The following EFCAB12 variants were observed in gnomAD, a reference collection of about 807,000 sequenced individuals.
EFCAB12 encodes the protein EF-hand calcium-binding domain-containing protein 12.
A neutral mutation model predicts 53.6 loss-of-function variants in EFCAB12; 43 were observed. That is an observed-to-expected ratio of 0.80 (90% confidence interval 0.63 to 1.03). EFCAB12 has a LOEUF of 1.03. Among genes scored for constraint, EFCAB12 ranks in the 50% least tolerant of loss-of-function variants. EFCAB12 has a pLI of 0.00. For missense variants in EFCAB12, 646 were observed against 730.6 expected (o/e 0.88, Z 1.34); for synonymous variants, 269 against 289.2 (o/e 0.93, Z 0.71).
chr3:129,424,896 G>C (rs73865439), intron 1 of EFCAB12, among the ~76,000 whole-genome samples: 3 of 152,144 alleles, frequency 2.0e-5, no homozygotes, highest in Non-Finnish European at 4.4e-5. Flanking sequence ...TCAGTTGGGG[G>C]AGAAATGCTG....
At chr3:129,421,875 CTT>C in intron 1 of EFCAB12, 72 bp from the exon 2 acceptor site, 1 of 1,452,386 alleles carries the variant, frequency 6.9e-7, no homozygotes, top group Non-Finnish European at 9.1e-7. Flanking sequence ...AGGAAAAACA[CTT>C]TTGCTCCAGG....
Position 129,415,331 on chromosome 3 carries a change from T to G in EFCAB12, c.752A>C (p.Asn251Thr), listed in dbSNP as rs756588240. 6.2e-7 allele frequency: 1 copy of G among 1,613,622 alleles called. No individual in the cohort carries two copies. The highest frequency in any genetic ancestry group is 8.5e-7 in the Non-Finnish European group (1 of 1,179,758). Residue 251 changes from asparagine (N) to threonine (T), a missense_variant, in exon 4 of 9, where the codon AAC (asparagine) becomes ACC (threonine). Asn to Thr is a moderately conservative substitution (Grantham distance 65). Transcript: ENST00000505956. ...VIYLSSLGKH[N>T]TITMDILANT... ...GGCCAGGATATCCATGGTGATGGTG[T>G]TGTGCTTCCCAAGAGAGCTGAGGTA...
Position 129,421,625 on chromosome 3 carries a change from T to C in EFCAB12, c.228A>G (p.Gln76=). The change falls in exon 2 of 9, where the codon CAA becomes CAG. Residue 76 remains glutamine (Q), a synonymous_variant. Coordinates refer to ENST00000505956, the MANE Select transcript of EFCAB12 (RefSeq NM_207307.3). ...EDQTPLNPAS[Q]PQAPPKPIPS... is the part of the protein sequence containing the mutation. ...GGATGGGCTTTGGGGGAGCCTGAGG[T>C]TGGGATGCAGGATTAAGGGGTGTCT... is the stretch of plus-strand genomic sequence containing the variant. 1 of 1,613,922 alleles carries C rather than the reference T, an allele frequency of 6.2e-7. No homozygotes were observed. The highest frequency in any genetic ancestry group is 8.5e-7 in the Non-Finnish European group (1 of 1,179,864).
At chr3:129,422,456 C>T (rs374434714) in intron 1 of EFCAB12, among the ~76,000 whole-genome samples, 1 of 152,178 alleles carries the variant, frequency 6.6e-6, no homozygotes, top group South Asian at 2.1e-4. Flanking sequence ...TAATCCCTTG[C>T]TTCTCTTCCC....
chr3:129,417,508 G>T lies in EFCAB12; in HGVS notation c.681+746C>A, dbSNP rs188262214. Among the ~76,000 whole-genome samples, 189 of 152,266 alleles carry T rather than the reference G, an allele frequency of 1.2e-3. 2 individuals carry two copies. Among genetic ancestry groups the T allele is most frequent in the Admixed American group, 9.8e-3 (150 of 15,306 alleles). ...AATTCAAGGATGAATGAGTGTGGCT[G>T]TGTTCCAATAAAACTCTATTTAAAA... On this transcript the variant is annotated intron_variant, in intron 3 of 8. Transcript: ENST00000505956.
intron 6 of EFCAB12, 70 bp downstream of exon 6, chr3:129,408,563 GGGTGCCCTGGGT>G (rs2071983388): frequency 5.6e-6 from 8 of 1,419,840 alleles, no homozygotes; most frequent in Non-Finnish European, 7.7e-6. Context: ...ATGGCTGCAT[GGGTGCCCTGGGT>G]GGCATCACCC....
At chr3:129,416,583 A>G (rs1319142080) in intron 3 of EFCAB12, among the ~76,000 whole-genome samples, 1 of 152,236 alleles carries the variant, frequency 6.6e-6, no homozygotes, top group African/African-American at 2.4e-5. Flanking sequence ...GAGAAAACTG[A>G]TAATAATTTA....
chr3:129,405,638 G>A (rs936273320), intron 6 of EFCAB12, among the ~76,000 whole-genome samples: 1 of 152,176 alleles, frequency 6.6e-6, no homozygotes, highest in African/African-American at 2.4e-5. Flanking sequence ...TATTCACAGG[G>A]GAGGGGGAGA....
intron 1 of EFCAB12, among the ~76,000 whole-genome samples, chr3:129,428,151 A>T (rs1186118883): frequency 6.6e-6 from 1 of 152,204 alleles, no homozygotes. Context: ...AAAACCTTGA[A>T]GACTGACGTC....
intron 6 of EFCAB12, among the ~76,000 whole-genome samples, chr3:129,406,437 A>T (rs1478507011): frequency 6.6e-6 from 1 of 152,084 alleles, no homozygotes; most frequent in Non-Finnish European, 1.5e-5. Context: ...CGAAATTCTT[A>T]TGTTGTAATT....
rs759467402 is a variant in EFCAB12 at position 129,404,255 on chromosome 3, A to T, written c.1398T>A (p.Thr466=). 6.2e-7 allele frequency: 1 copy of T among 1,612,578 alleles called. No individual in the cohort carries two copies. Among genetic ancestry groups the T allele is most frequent in the South Asian group, 1.1e-5 (1 of 90,942 alleles). Reference sequence around the variant, plus strand: ...AAGGGGGTCCGAAACTCAGCTTGTCAGTCCTCTTAGACTTGCCAGGGCCCT... The same window carrying T: ...AAGGGGGTCCGAAACTCAGCTTGTCTGTCCTCTTAGACTTGCCAGGGCCCT... ...RSQGPGKSKR[T]DKKTPKKSKK... The change falls in exon 7 of 9, where the codon ACT becomes ACA. Residue 466 remains threonine (T), a synonymous_variant. Transcript: ENST00000505956.
chr3:129,418,200 T>G (rs949656785), intron 3 of EFCAB12, 54 bp downstream of exon 3: 1 of 1,485,070 alleles, frequency 6.7e-7, no homozygotes. Context: ...AAAGAGGGAG[T>G]ACATGTACAT....
chr3:129,401,439 T>G lies in EFCAB12; in HGVS notation c.*154A>C. On this transcript the variant is annotated 3_prime_UTR_variant, in exon 9 of 9. Coordinates refer to ENST00000505956, the MANE Select transcript of EFCAB12 (RefSeq NM_207307.3). ...TCTACCCTCTGAGACACTGGACACT[T>G]TGAGTCCAGAGGGAACTGGCCCCCG... 9.2e-7 allele frequency: 1 copy of G among 1,084,360 alleles called. No homozygotes were observed. 67.2% of individuals were successfully genotyped at this position (1,084,360 alleles called of 1,614,324 possible). A position where few individuals can be genotyped will look rare whatever the true frequency, so the allele number is the denominator to read the frequency against.
At chr3:129,412,883 T>C (rs1408207364) in intron 4 of EFCAB12, 2 of 152,246 alleles carry the variant, frequency 1.3e-5, no homozygotes, top group Non-Finnish European at 2.9e-5. Flanking sequence ...TTTCTAGAAG[T>C]GGCACATAGT....
At chr3:129,404,753 T>A (rs2071926822) in intron 6 of EFCAB12, among the ~76,000 whole-genome samples, 1 of 151,954 alleles carries the variant, frequency 6.6e-6, no homozygotes, top group African/African-American at 2.4e-5. Flanking sequence ...TGCAACGAGG[T>A]CTGAGCTGTC....
chr3:129,403,150 GCA>G (rs2071897435), intron 7 of EFCAB12: 2 of 152,854 alleles, frequency 1.3e-5, no homozygotes, highest in African/African-American at 4.8e-5. Flanking sequence ...GCCTACCTAA[GCA>G]TGGACCAAAA....
chr3:129,425,887 A>G (rs1246939793), intron 1 of EFCAB12, among the ~76,000 whole-genome samples: 1 of 152,208 alleles, frequency 6.6e-6, no homozygotes, highest in African/African-American at 2.4e-5. Flanking sequence ...TCTACTTAAC[A>G]TGGTGGACAC....
chr3:129,425,542 C>G (rs893562412), intron 1 of EFCAB12, among the ~76,000 whole-genome samples: 24 of 152,180 alleles, frequency 1.6e-4, no homozygotes, highest in Non-Finnish European at 8.8e-5. Context: ...AGGGCTTCCC[C>G]TGGCCGAGTC....
intron 2 of EFCAB12, among the ~76,000 whole-genome samples, chr3:129,421,088 TGAGA>T (rs2072181659): frequency 6.6e-6 from 1 of 152,230 alleles, no homozygotes; most frequent in South Asian, 2.1e-4. Context: ...TGCAACCTCA[TGAGA>T]GACTCTGAGC....
Sources: allele counts gnomAD v4.1 joint callset (sites outside exome capture counted in the v4.1 genomes callset), GRCh38; gene constraint gnomAD v4.1.1; transcripts MANE v1.5; gene names NCBI Gene and HGNC (gene_info 2026-07-23, HGNC 2026-07-21).